Variants in MARCOL observed in about 807,000 individuals in gnomAD.
The protein encoded by MARCOL is MARCO-like protein.
At position 148,242,966 on chromosome 5, in the gene MARCOL, CCTACAAGGGCAT is replaced by C. The variant is rs1279882389; in HGVS notation, c.573_584del (p.Gln192_Leu195del). On this transcript the variant is annotated inframe_deletion, in exon 2 of 2. Coordinates refer to ENST00000638089, the MANE Select transcript of MARCOL (RefSeq NM_001363511.2). ...AGAAAGGGAATTTAGGATCTTCTAG[CCTACAAGGGCAT>C]CTGGGTTTATCTAGCCATCAAGGGA... is the stretch of plus-strand genomic sequence containing the variant. 1 of 399,008 alleles carries C rather than the reference CCTACAAGGGCAT, an allele frequency of 2.5e-6. No homozygotes were observed. Among genetic ancestry groups the C allele is most frequent in the Non-Finnish European group, 4.4e-6 (1 of 226,284 alleles). The allele number at this position is 399,008 out of a possible 1,614,324, so 24.7% of individuals were successfully genotyped here.
At chr5:148,239,053 T>C (rs1255229905) in intron 1 of MARCOL, among the ~76,000 whole-genome samples, 1 of 152,080 alleles carries the variant, frequency 6.6e-6, no homozygotes, top group Non-Finnish European at 1.5e-5. Context: ...CCCATTCATG[T>C]GATTTGAGGA....
chr5:148,242,380 T>G (rs1237956469), intron 1 of MARCOL, 66 bp from the exon 2 acceptor site: 1 of 396,386 alleles, frequency 2.5e-6, no homozygotes, highest in Non-Finnish European at 4.4e-6. Flanking sequence ...CAAATGTTGT[T>G]GATTTAAAAT....
intron 1 of MARCOL, among the ~76,000 whole-genome samples, chr5:148,240,628 T>G (rs1242680581): frequency 6.6e-6 from 1 of 151,868 alleles, no homozygotes; most frequent in African/African-American, 2.4e-5. Flanking sequence ...TTAAAAAAAC[T>G]GAAAGTCATT....
intron 1 of MARCOL, among the ~76,000 whole-genome samples, chr5:148,241,326 C>T (rs754844080): frequency 9.9e-5 from 15 of 151,422 alleles, no homozygotes; most frequent in Non-Finnish European, 1.6e-4. Flanking sequence ...AAGTGAGACC[C>T]TAAGTATACA....
In MARCOL at chr5:148,242,701, T is replaced by C. The variant is rs1459479581; in HGVS notation, c.305T>C (p.Leu102Ser). 1 of 398,334 alleles carries C rather than the reference T, an allele frequency of 2.5e-6. No homozygotes were observed. The highest frequency in any genetic ancestry group is 4.4e-5 in the Admixed American group (1 of 22,680). The allele number at this position is 398,334 out of a possible 1,614,324, so 24.7% of individuals were successfully genotyped here. A position where few individuals can be genotyped will look rare whatever the true frequency, so the allele number is the denominator to read the frequency against. The stretch of plus-strand genomic sequence containing the variant: ...GGAGTTTTAAACCAGCCTGGGATTT[T>C]AAAGAATTCAGGAAAATCTAACCAA... ...RAGVLNQPGI[L>S]KNSGKSNQKG... The change falls in exon 2 of 2, where the codon TTA becomes TCA. Residue 102 changes from leucine (L) to serine (S), a missense_variant. Transcript: ENST00000638089.
Position 148,243,550 on chromosome 5 carries a change from G to C in MARCOL, c.*296G>C, listed in dbSNP as rs940600101. On this transcript the variant is annotated 3_prime_UTR_variant, in exon 2 of 2. Transcript: ENST00000638089. ...CCATCTAGCCATCAGAGAAAATTAA[G>C]GTCATTTTACAACCAACGACAAAGA... 1 of 314,636 alleles carries C rather than the reference G, an allele frequency of 3.2e-6. No homozygotes were observed. 19.5% of individuals were successfully genotyped at this position (314,636 alleles called of 1,614,324 possible). A position where few individuals can be genotyped will look rare whatever the true frequency, so the allele number is the denominator to read the frequency against.
In MARCOL at chr5:148,243,164, A is replaced by G. The variant is rs1047003368; in HGVS notation, c.768A>G (p.Gly256=). Reference sequence around the variant, plus strand: ...AGCCAGGGTCATCTAGCCAACAAGGAAATCTACATTTATCTAGCCAGCAAG... The same window carrying G: ...AGCCAGGGTCATCTAGCCAACAAGGGAATCTACATTTATCTAGCCAGCAAG... ...QGKPGSSSQQ[G]NLHLSSQQGN... The change falls in exon 2 of 2, where the codon GGA becomes GGG. Residue 256 remains glycine (G), a synonymous_variant. Transcript: ENST00000638089. The G allele has an allele frequency of 2.5e-6, 1 of 398,358 alleles. No individual in the cohort carries two copies. The highest frequency in any genetic ancestry group is 2.1e-5 in the African/African-American group (1 of 48,266). The allele number at this position is 398,358 out of a possible 1,614,324, so 24.7% of individuals were successfully genotyped here.
Position 148,243,113 on chromosome 5 carries a change from G to A in MARCOL, c.717G>A (p.Lys239=), listed in dbSNP as rs1755987036. Residue 239 remains lysine (K), a synonymous_variant, in exon 2 of 2, where the codon AAG becomes AAA. Coordinates refer to ENST00000638089, the MANE Select transcript of MARCOL (RefSeq NM_001363511.2). ...CAGGATCTTCTAGCCAACAGGGGAA[G>A]CCAGGGTTGTCTAGCCATCAAGGGA... is the stretch of plus-strand genomic sequence containing the variant. ...EKPGSSSQQG[K]PGLSSHQGKP... is the part of the protein sequence containing the mutation. The A allele has an allele frequency of 2.5e-6, 1 of 398,506 alleles. No homozygotes were observed. Among genetic ancestry groups the A allele is most frequent in the Admixed American group, 4.4e-5 (1 of 22,624 alleles). The allele number at this position is 398,506 out of a possible 1,614,324, so 24.7% of individuals were successfully genotyped here. A position where few individuals can be genotyped will look rare whatever the true frequency, so the allele number is the denominator to read the frequency against.
At chr5:148,240,158 G>A (rs1006566502) in intron 1 of MARCOL, among the ~76,000 whole-genome samples, 17 of 151,606 alleles carry the variant, frequency 1.1e-4, no homozygotes, top group African/African-American at 3.4e-4. Flanking sequence ...AGCAAAAGAG[G>A]GAAATAAACT....
intron 1 of MARCOL, among the ~76,000 whole-genome samples, chr5:148,240,658 C>G (rs555023045): frequency 3.9e-5 from 6 of 152,022 alleles, no homozygotes; most frequent in Admixed American, 1.3e-4. Flanking sequence ...ATGTTACCAA[C>G]TCTTTTTTCC....
chr5:148,242,123 T>C (rs1344674505), intron 1 of MARCOL, among the ~76,000 whole-genome samples: 1 of 152,162 alleles, frequency 6.6e-6, no homozygotes, highest in East Asian at 1.9e-4. Context: ...CAGAGCCAGT[T>C]TGATTCATCA....
chr5:148,238,788 G>A (rs970987760), intron 1 of MARCOL, 142 bp downstream of exon 1: 12 of 391,332 alleles, frequency 3.1e-5, no homozygotes, highest in Non-Finnish European at 5.0e-5. Context: ...GTAAATTTCT[G>A]ACAAAATAAA....
At chr5:148,240,822 T>A (rs1755955671) in intron 1 of MARCOL, among the ~76,000 whole-genome samples, 1 of 151,930 alleles carries the variant, frequency 6.6e-6, no homozygotes, top group South Asian at 2.1e-4. Flanking sequence ...TCTGGTTGAA[T>A]CTTATGTTTC....
Position 148,242,848 on chromosome 5 carries a change from G to T in MARCOL, c.452G>T (p.Gly151Val), listed in dbSNP as rs1018702459. 16 of 398,630 alleles carry T rather than the reference G, an allele frequency of 4.0e-5. No individual in the cohort carries two copies. Among genetic ancestry groups the T allele is most frequent in the South Asian group, 1.3e-4 (1 of 7,858 alleles). 24.7% of individuals were successfully genotyped at this position (398,630 alleles called of 1,614,324 possible). ...TCATCTGACCAACAAGAGAAACCAG[G>T]GTCATTTAGCCAGAAAGTGATGGTG... Reference protein sequence around the residue: ...PGSSDQQEKPGSFSQKVMVGS... With the variant: ...PGSSDQQEKPVSFSQKVMVGS... Residue 151 changes from glycine (G) to valine (V), a missense_variant, in exon 2 of 2, where the codon GGG (glycine) becomes GTG (valine). Gly to Val is a moderately radical substitution (Grantham distance 109, BLOSUM62 -3). Coordinates refer to ENST00000638089, the MANE Select transcript of MARCOL (RefSeq NM_001363511.2).
intron 1 of MARCOL, 105 bp from the exon 2 acceptor site, chr5:148,242,341 A>G: frequency 7.6e-6 from 3 of 394,172 alleles, no homozygotes; most frequent in Non-Finnish European, 8.9e-6. Context: ...AAAAATCAAG[A>G]AAGCATTAAA....
chr5:148,240,302 TTGTCCTTGGAGAAAACAAAGAGTAGAAC>T (rs1400002693), intron 1 of MARCOL, among the ~76,000 whole-genome samples: 1 of 151,928 alleles, frequency 6.6e-6, no homozygotes, highest in Non-Finnish European at 1.5e-5. Flanking sequence ...ATTATATTGA[TTGTCCTTGGAGAAAACAAAGAGTAGAAC>T]TCTGTGTAGA....
rs894503311 is a variant in MARCOL, at chr5:148,242,475, G to A, written c.79G>A (p.Val27Ile). 1 of 398,062 alleles carries A rather than the reference G, an allele frequency of 2.5e-6. No homozygotes were observed. Among genetic ancestry groups the A allele is most frequent in the Non-Finnish European group, 4.4e-6 (1 of 225,816 alleles). 24.7% of individuals were successfully genotyped at this position (398,062 alleles called of 1,614,324 possible). ...TTCAACCCAGATTTCAAATACCAGT[G>A]TTTTCAAACTAGAAGAGAATCCAAA... ...ASSTQISNTS[V>I]FKLEENPKPA... is the part of the protein sequence containing the mutation. The change falls in exon 2 of 2, where the codon GTT becomes ATT. Residue 27 changes from valine to isoleucine, a missense_variant. Physicochemically the swap from Val to Ile is conservative, Grantham distance 29. Coordinates refer to ENST00000638089, the MANE Select transcript of MARCOL (RefSeq NM_001363511.2).
chr5:148,240,214 C>T (rs987797125), intron 1 of MARCOL, among the ~76,000 whole-genome samples: 1 of 151,778 alleles, frequency 6.6e-6, no homozygotes, highest in African/African-American at 2.4e-5. Context: ...ATGATAAACC[C>T]ATAAAATGGG....
At chr5:148,241,496 A>G (rs1182078280) in intron 1 of MARCOL, among the ~76,000 whole-genome samples, 1 of 146,832 alleles carries the variant, frequency 6.8e-6, no homozygotes, top group African/African-American at 2.5e-5. Context: ...AGCAAGAAGG[A>G]AAGGATGAGA....
Sources: gnomAD v4.1 joint callset for allele counts (sites outside exome capture counted in the v4.1 genomes callset) on GRCh38, gnomAD v4.1.1 for gene constraint, MANE v1.5 for transcripts, NCBI Gene and HGNC (gene_info 2026-07-23, HGNC 2026-07-21) for gene names.